The following CNNM2 variants were observed in gnomAD, a reference collection of about 807,000 sequenced individuals.
The protein encoded by CNNM2 is metal transporter CNNM2.
Under a neutral mutation model 66.9 loss-of-function variants are expected in CNNM2, and 12 were observed. The observed-to-expected ratio is 0.18, with a 90% CI of 0.11 to 0.29. The LOEUF (loss-of-function observed/expected upper bound fraction) is 0.29. Among genes scored for constraint, CNNM2 ranks in the 10% least tolerant of loss-of-function variants. The pLI is 1.00. For missense variants in CNNM2, 705 were observed against 1,167.7 expected (o/e 0.60, Z 5.77); for synonymous variants, 557 against 501.8 (o/e 1.11, Z -1.47).
intron 1 of CNNM2, among the ~76,000 whole-genome samples, chr10:102,966,947 C>T (rs1048594323): frequency 2.6e-5 from 4 of 152,050 alleles, no homozygotes; most frequent in Admixed American, 2.6e-4. Context: ...ATGGAAGTGT[C>T]TGGAAGAATG....
chr10:103,042,727 G>A (rs567670581), intron 1 of CNNM2, among the ~76,000 whole-genome samples: 1 of 152,258 alleles, frequency 6.6e-6, no homozygotes, highest in Admixed American at 6.5e-5. Flanking sequence ...TGATCAGTTT[G>A]TTCACTTGTA....
intron 1 of CNNM2, among the ~76,000 whole-genome samples, chr10:102,947,201 A>G (rs968807403): frequency 6.6e-6 from 1 of 152,144 alleles, no homozygotes; most frequent in African/African-American, 2.4e-5. Context: ...CATAGGTACT[A>G]TAATCCTTTT....
intron 1 of CNNM2, among the ~76,000 whole-genome samples, chr10:103,049,115 G>A (rs565029405): frequency 6.6e-6 from 1 of 152,244 alleles, no homozygotes; most frequent in South Asian, 2.1e-4. Flanking sequence ...CAAAGCTCTT[G>A]GATTACAAGA....
chr10:103,042,392 T>G (rs1164898963), intron 1 of CNNM2, among the ~76,000 whole-genome samples: 1 of 152,194 alleles, frequency 6.6e-6, no homozygotes, highest in Non-Finnish European at 1.5e-5. Context: ...CTGGCCATCC[T>G]GTGTTAAATG....
chr10:102,972,283 C>T (rs984763073), intron 1 of CNNM2, among the ~76,000 whole-genome samples: 1 of 152,040 alleles, frequency 6.6e-6, no homozygotes. Context: ...ATTCTTTCTT[C>T]GTAGATAAAA....
intron 1 of CNNM2, among the ~76,000 whole-genome samples, chr10:102,965,788 C>G (rs2063454185): frequency 1.3e-5 from 2 of 152,152 alleles, no homozygotes; most frequent in Admixed American, 1.3e-4. Context: ...GATAATTTTC[C>G]TAAGTCACTT....
chr10:103,076,074 C>T lies in CNNM2; in HGVS notation c.2234-12C>T. ...TTCACTTAAACAGTTGGATTTTTCC[C>T]TCCTTTTCCAGGTGAAAATAAGTCC... is the stretch of plus-strand genomic sequence containing the variant. On this transcript the variant is annotated splice_polypyrimidine_tract_variant and intron_variant, in intron 6 of 7. Transcript: ENST00000369878. The T allele has an allele frequency of 8.1e-6, 13 of 1,601,708 alleles. No individual in the cohort carries two copies. The highest frequency in any genetic ancestry group is 1.1e-5 in the Non-Finnish European group (13 of 1,172,012).
At position 102,996,476 on chromosome 10, in the gene CNNM2, C is replaced by G. The variant is rs147182989; in HGVS notation, c.1622-53231C>G. 2.3e-3 allele frequency among the ~76,000 whole-genome samples: 348 copies of G among 152,252 alleles called. 4 individuals carry two copies. The highest frequency in any genetic ancestry group is 7.9e-3 in the African/African-American group (330 of 41,546). ...TCCCAGCACCTTGGGAGGCTGAGGCCAAAAGATTGCTTAAGGCCAGGAGTT... is the reference window on the plus strand; with the variant it reads ...TCCCAGCACCTTGGGAGGCTGAGGCGAAAAGATTGCTTAAGGCCAGGAGTT... On this transcript the variant is annotated intron_variant, in intron 1 of 7. Transcript: ENST00000369878.
rs2064410824 is a variant in CNNM2, at chr10:103,014,822, T to C, written c.1622-34885T>C. 3.9e-5 allele frequency among the ~76,000 whole-genome samples: 6 copies of C among 151,980 alleles called. No individual in the cohort carries two copies. The South Asian group carries it at 8.3e-4, about 21-fold the overall frequency. On this transcript the variant is annotated intron_variant, in intron 1 of 7. Transcript: ENST00000369878. ...TGGGAGGATCACTTGAACCCAGCAGTTCAGGGCTGCAGTTATCTATGATTG... is the reference window on the plus strand; with the variant it reads ...TGGGAGGATCACTTGAACCCAGCAGCTCAGGGCTGCAGTTATCTATGATTG...
intron 1 of CNNM2, among the ~76,000 whole-genome samples, chr10:102,989,004 C>A (rs2063847791): frequency 1.3e-5 from 2 of 152,110 alleles, no homozygotes; most frequent in Non-Finnish European, 2.9e-5. Flanking sequence ...TCAGTAGTAA[C>A]CCTGGTTGTC....
intron 1 of CNNM2, among the ~76,000 whole-genome samples, chr10:102,942,382 TCTCCAGGTAC>T (rs1846464600): frequency 6.6e-6 from 1 of 152,218 alleles, no homozygotes; most frequent in Admixed American, 6.5e-5. Context: ...GATTGTGACT[TCTCCAGGTAC>T]CTCATATAAA....
At chr10:102,990,527 A>G (rs1467027525) in intron 1 of CNNM2, among the ~76,000 whole-genome samples, 1 of 152,220 alleles carries the variant, frequency 6.6e-6, no homozygotes, top group Non-Finnish European at 1.5e-5. Context: ...AGTTTCTATT[A>G]GTGTAGTTCC....
At chr10:102,952,293 A>C (rs1846868056) in intron 1 of CNNM2, among the ~76,000 whole-genome samples, 1 of 151,534 alleles carries the variant, frequency 6.6e-6, no homozygotes, top group Admixed American at 6.6e-5. Context: ...GGCCGGGCGC[A>C]GTGGCTCACG....
intron 1 of CNNM2, among the ~76,000 whole-genome samples, chr10:103,016,463 TC>T (rs754350955): frequency 7.2e-5 from 11 of 152,112 alleles, no homozygotes; most frequent in Non-Finnish European, 1.5e-4. Flanking sequence ...GTGAATCAGG[TC>T]ATGTCCCTGC....
chr10:103,031,435 C>A (rs1282671673), intron 1 of CNNM2, among the ~76,000 whole-genome samples: 1 of 152,084 alleles, frequency 6.6e-6, no homozygotes, highest in African/African-American at 2.4e-5. Flanking sequence ...TGGTGGCCAT[C>A]TCACTGCATA....
In CNNM2 at chr10:103,054,182, C is replaced by T. The variant is rs2065259860; in HGVS notation, c.1766-147C>T. 1.2e-6 allele frequency: 1 copy of T among 863,388 alleles called. No individual in the cohort carries two copies. Among genetic ancestry groups the T allele is most frequent in the Middle Eastern group, 2.6e-4 (1 of 3,918 alleles). 53.5% of individuals were successfully genotyped at this position (863,388 alleles called of 1,614,324 possible). A position where few individuals can be genotyped will look rare whatever the true frequency, so the allele number is the denominator to read the frequency against. ...GATGAGGATCTGGCTCTCCCTCCCT[C>T]CTTCCCCGTGGCATCTGTGCATAGA... On this transcript the variant is annotated intron_variant, in intron 2 of 7. Coordinates refer to ENST00000369878, the MANE Select transcript of CNNM2 (RefSeq NM_017649.5). The surrounding 1 kb of genome is among the most constrained non-coding windows in gnomAD (Gnocchi z 5.2).
At chr10:102,965,160 G>A (rs2063443411) in intron 1 of CNNM2, among the ~76,000 whole-genome samples, 1 of 152,306 alleles carries the variant, frequency 6.6e-6, no homozygotes, top group South Asian at 2.1e-4. Flanking sequence ...GTGGTATTCT[G>A]CTATAGCAGT....
intron 1 of CNNM2, 38 bp downstream of exon 1, chr10:102,920,139 C>G (rs774738741): frequency 5.0e-6 from 8 of 1,613,944 alleles, no homozygotes; most frequent in Admixed American, 3.3e-5. Flanking sequence ...CTTGCTCTTT[C>G]TCTCTCCATC....
chr10:103,030,480 C>T (rs1307079017), intron 1 of CNNM2, among the ~76,000 whole-genome samples: 1 of 152,070 alleles, frequency 6.6e-6, no homozygotes, highest in Non-Finnish European at 1.5e-5. Context: ...TTTGGGAGGC[C>T]GAGGCAGGTG....
Sources: gnomAD v4.1 joint callset for allele counts (sites outside exome capture counted in the v4.1 genomes callset) on GRCh38, gnomAD v4.1.1 for gene constraint, Gnocchi (gnomAD v3.1) non-coding constraint, MANE v1.5 for transcripts, NCBI Gene and HGNC (gene_info 2026-07-23, HGNC 2026-07-21) for gene names.